CSGALNACT1: variants seen among roughly 807,000 people sequenced by gnomAD.
CSGALNACT1 encodes beta4GalNAcT-1.
CSGALNACT1 carries 52 observed loss-of-function variants against 51.0 expected under a neutral mutation model. The observed-to-expected ratio is 1.02, with a 90% CI of 0.82 to 1.29. The LOEUF (loss-of-function observed/expected upper bound fraction) is 1.29, where lower values mean the gene tolerates loss of function less well. CSGALNACT1 is among the 50% of genes most tolerant of loss of function. The pLI, the probability that CSGALNACT1 is intolerant of heterozygous loss-of-function variation, is 0.00. For missense variants in CSGALNACT1, 935 were observed against 679.2 expected, an observed-to-expected ratio of 1.38 and a Z score of -4.19; for synonymous variants, 341 against 254.4, an observed-to-expected ratio of 1.34 and a Z score of -3.24.
chr8:19,697,679 C>A (rs372732128), intron 1 of CSGALNACT1, among the ~76,000 whole-genome samples: 9 of 152,238 alleles, frequency 5.9e-5, no homozygotes, highest in African/African-American at 1.9e-4. Flanking sequence ...GGCTTCAGGG[C>A]CCTTGCTGGG....
At chr8:19,752,071 T>C (rs2065064847) in intron 1 of CSGALNACT1, among the ~76,000 whole-genome samples, 2 of 68,394 alleles carry the variant, frequency 2.9e-5, no homozygotes, top group Admixed American at 1.4e-4. Flanking sequence ...TATTTTTATA[T>C]GATATGATGA....
intron 1 of CSGALNACT1, among the ~76,000 whole-genome samples, chr8:19,664,950 A>G (rs1327495637): frequency 6.6e-6 from 1 of 152,208 alleles, no homozygotes; most frequent in Admixed American, 6.5e-5. Flanking sequence ...TATTTGGGTG[A>G]TGGCTACAGT....
Position 19,638,933 on chromosome 8 carries a change from A to T in CSGALNACT1, c.-543-37068T>A, listed in dbSNP as rs148896928. ...CCAAGGTCAGTTAAAACTACCACAT[A>T]CATAATTTGCAAAAGGCTTTTACTA... is the stretch of plus-strand genomic sequence containing the variant. On this transcript the variant is annotated intron_variant, in intron 1 of 9. Coordinates refer to the CSGALNACT1 transcript ENST00000332246. Among the ~76,000 whole-genome samples, 187 of 152,084 alleles carry T rather than the reference A, an allele frequency of 1.2e-3. 1 individual carries two copies. Among genetic ancestry groups the T allele is most frequent in the Admixed American group, 7.2e-3 (110 of 15,274 alleles).
chr8:19,554,069 G>T (rs957564304), intron 3 of CSGALNACT1, among the ~76,000 whole-genome samples: 6 of 151,110 alleles, frequency 4.0e-5, no homozygotes, highest in African/African-American at 1.2e-4. Context: ...GAAGAAAAAT[G>T]AGAGAAAATT....
chr8:19,476,512 G>T (rs771222173), intron 4 of CSGALNACT1, among the ~76,000 whole-genome samples: 4 of 152,010 alleles, frequency 2.6e-5, no homozygotes, highest in Non-Finnish European at 5.9e-5. Context: ...AAAGTGCTGG[G>T]GTTACATGTG....
At chr8:19,609,279 G>C (rs2051844669) in intron 1 of CSGALNACT1, among the ~76,000 whole-genome samples, 1 of 149,176 alleles carries the variant, frequency 6.7e-6, no homozygotes, top group African/African-American at 2.5e-5. Context: ...CATTTAAAAA[G>C]ATTTATGCAT....
chr8:19,501,545 C>G (rs780252534), intron 4 of CSGALNACT1, among the ~76,000 whole-genome samples: 2 of 152,152 alleles, frequency 1.3e-5, no homozygotes, highest in African/African-American at 4.8e-5. Flanking sequence ...ACACTACTAA[C>G]CCTGCAGAGG....
At chr8:19,654,590 G>C (rs2058098359) in intron 1 of CSGALNACT1, among the ~76,000 whole-genome samples, 1 of 152,118 alleles carries the variant, frequency 6.6e-6, no homozygotes, top group African/African-American at 2.4e-5. Context: ...TATAACTCAG[G>C]CTGGAGTGCA....
At chr8:19,405,269 T>G (rs1041984241) in exon 10 of CSGALNACT1, 38 of 453,632 alleles carry the variant, frequency 8.4e-5, no homozygotes, top group Admixed American at 2.1e-4. Flanking sequence ...TCTTTTCTTT[T>G]CTGGTCCATT....
chr8:19,496,424 G>T (rs2075463938), intron 4 of CSGALNACT1, among the ~76,000 whole-genome samples: 1 of 152,162 alleles, frequency 6.6e-6, no homozygotes. Context: ...CTGCTTGATG[G>T]TTGGAACTAG....
chr8:19,543,118 G>A (rs558014956), intron 3 of CSGALNACT1, among the ~76,000 whole-genome samples: 4 of 152,070 alleles, frequency 2.6e-5, no homozygotes, highest in South Asian at 2.1e-4. Context: ...CTAGGCTCAC[G>A]GAGTTTTCAA....
chr8:19,539,618 C>T (rs2084610495), intron 3 of CSGALNACT1, among the ~76,000 whole-genome samples: 1 of 152,200 alleles, frequency 6.6e-6, no homozygotes, highest in South Asian at 2.1e-4. Flanking sequence ...TAAATGTATA[C>T]TTTCCAGATT....
chr8:19,490,397 G>C (rs1172729062), intron 4 of CSGALNACT1, among the ~76,000 whole-genome samples: 1 of 152,110 alleles, frequency 6.6e-6, no homozygotes, highest in East Asian at 1.9e-4. Context: ...AGGAAGAAGA[G>C]GTGTTTTGTT....
intron 6 of CSGALNACT1, among the ~76,000 whole-genome samples, chr8:19,430,677 T>G (rs891292979): frequency 1.3e-5 from 2 of 152,210 alleles, no homozygotes; most frequent in Admixed American, 6.5e-5. Flanking sequence ...CTGGCTATTT[T>G]GGGCCCTTGC....
intron 1 of CSGALNACT1, among the ~76,000 whole-genome samples, chr8:19,663,798 C>A (rs1188538472): frequency 6.6e-6 from 1 of 152,252 alleles, no homozygotes; most frequent in Admixed American, 6.5e-5. Context: ...GGCATGAGAA[C>A]AGATAAGAGC....
intron 4 of CSGALNACT1, among the ~76,000 whole-genome samples, chr8:19,467,723 G>T (rs2067047457): frequency 6.6e-6 from 1 of 152,102 alleles, no homozygotes; most frequent in South Asian, 2.1e-4. Flanking sequence ...GGTGGCTCAT[G>T]CCTGCAATCC....
chr8:19,557,980 A>C (rs1416077683), intron 3 of CSGALNACT1, among the ~76,000 whole-genome samples: 1 of 152,226 alleles, frequency 6.6e-6, no homozygotes, highest in African/African-American at 2.4e-5. Context: ...TGAAAACATA[A>C]ACAAGTAAAC....
At chr8:19,683,983 T>A (rs921018241), upstream of CSGALNACT1, among the ~76,000 whole-genome samples, 8 of 151,922 alleles carry the variant, frequency 5.3e-5, no homozygotes, top group African/African-American at 1.9e-4. Flanking sequence ...ATCCCCAACA[T>A]GGTGAAACCC....
intron 4 of CSGALNACT1, among the ~76,000 whole-genome samples, chr8:19,490,753 C>T (rs975934176): frequency 2.0e-5 from 3 of 152,152 alleles, no homozygotes; most frequent in African/African-American, 7.2e-5. Flanking sequence ...CCAAAAAACC[C>T]TCACCTTTAC....
Sources: allele counts gnomAD v4.1 joint callset (sites outside exome capture counted in the v4.1 genomes callset), GRCh38; gene constraint gnomAD v4.1.1; transcripts MANE v1.5; gene names NCBI Gene and HGNC (gene_info 2026-07-23, HGNC 2026-07-21).